Variants in TRPM3 observed in about 807,000 individuals in gnomAD.
The protein encoded by TRPM3 is transient receptor potential cation channel subfamily M member 3, also known as long transient receptor potential channel 3.
TRPM3 carries 77 observed loss-of-function variants against 181.2 expected under a neutral mutation model. That is an observed-to-expected ratio of 0.42 (90% CI 0.35 to 0.51). TRPM3 has a LOEUF of 0.51. Ranked by LOEUF, TRPM3 falls within the 20% of genes least tolerant of loss-of-function variation. TRPM3 has a pLI of 0.01. For missense variants in TRPM3, 1,759 were observed against 2,196.7 expected (o/e 0.80, Z 3.98); for synonymous variants, 745 against 796.4 (o/e 0.94, Z 1.09).
intron 1 of TRPM3, among the ~76,000 whole-genome samples, chr9:71,356,490 G>C (rs1388563489): frequency 6.6e-6 from 1 of 152,142 alleles, no homozygotes; most frequent in Non-Finnish European, 1.5e-5. Flanking sequence ...TAGTTAGGAG[G>C]ATGGGCCTGA....
intron 6 of TRPM3, among the ~76,000 whole-genome samples, chr9:70,787,916 C>A (rs1387297050): frequency 2.7e-5 from 4 of 150,902 alleles, no homozygotes; most frequent in Admixed American, 1.3e-4. Context: ...ACTCATGTAA[C>A]CTCCACCCAT....
intron 1 of TRPM3, among the ~76,000 whole-genome samples, chr9:71,355,779 G>A (rs746416365): frequency 7.2e-5 from 11 of 151,884 alleles, no homozygotes; most frequent in East Asian, 1.9e-4. Context: ...AGGGCAAAAC[G>A]TTTGTTCTTC....
At chr9:71,119,285 A>G (rs1587444980) in intron 1 of TRPM3, among the ~76,000 whole-genome samples, 1 of 152,224 alleles carries the variant, frequency 6.6e-6, no homozygotes, top group African/African-American at 2.4e-5. Context: ...TGGGAAGGAC[A>G]CACAGTAATG....
intron 1 of TRPM3, among the ~76,000 whole-genome samples, chr9:70,879,875 T>C (rs576400767): frequency 1.3e-5 from 2 of 152,168 alleles, no homozygotes; most frequent in African/African-American, 4.8e-5. Context: ...GAATCACATG[T>C]GCAATTCATG....
chr9:71,412,596 C>T (rs1415795257), intron 1 of TRPM3, among the ~76,000 whole-genome samples: 2 of 152,092 alleles, frequency 1.3e-5, no homozygotes, highest in Non-Finnish European at 2.9e-5. Context: ...AGTCAGGAAA[C>T]AACAGGTGCT....
chr9:71,372,377 T>C (rs2092544037), intron 1 of TRPM3, among the ~76,000 whole-genome samples: 1 of 152,164 alleles, frequency 6.6e-6, no homozygotes, highest in African/African-American at 2.4e-5. Flanking sequence ...CAAATGGTAT[T>C]TCTACCTCCA....
At chr9:71,276,025 T>C (rs1418899548) in intron 1 of TRPM3, among the ~76,000 whole-genome samples, 1 of 151,986 alleles carries the variant, frequency 6.6e-6, no homozygotes, top group Non-Finnish European at 1.5e-5. Context: ...CTATTTTTAG[T>C]AAAGACAGTG....
intron 1 of TRPM3, chr9:70,917,488 C>A: frequency 1.4e-6 from 1 of 735,182 alleles, no homozygotes; most frequent in East Asian, 2.6e-5. Context: ...CCACCAGCAC[C>A]AGGGCCAAGG....
At chr9:70,904,819 T>C (rs1230657128) in intron 1 of TRPM3, among the ~76,000 whole-genome samples, 1 of 152,208 alleles carries the variant, frequency 6.6e-6, no homozygotes, top group Non-Finnish European at 1.5e-5. Flanking sequence ...AGAGTCTTCA[T>C]TGAACAATGG....
intron 22 of TRPM3, among the ~76,000 whole-genome samples, chr9:70,580,210 A>T (rs192092490): frequency 7.9e-4 from 120 of 152,254 alleles, no homozygotes; most frequent in African/African-American, 2.6e-3. Context: ...TCTAGCCATG[A>T]TCTCCCCACT....
At chr9:71,222,638 A>G (rs929944306) in intron 1 of TRPM3, among the ~76,000 whole-genome samples, 3 of 152,232 alleles carry the variant, frequency 2.0e-5, no homozygotes, top group African/African-American at 7.2e-5. Context: ...TTAACTTCAT[A>G]TCACTGAAAG....
At chr9:71,082,187 T>C (rs770499669) in intron 1 of TRPM3, among the ~76,000 whole-genome samples, 1 of 152,210 alleles carries the variant, frequency 6.6e-6, no homozygotes, top group Non-Finnish European at 1.5e-5. Context: ...TGTAGGAATA[T>C]ATCAGATGTA....
chr9:70,811,343 G>T lies in TRPM3; in HGVS notation c.973+16504C>A. Reference sequence around the variant, plus strand: ...ACCCAATTTACATAAATTTATATACGTGATGGCAACTCAAGTTGCACAGTG... The same window carrying T: ...ACCCAATTTACATAAATTTATATACTTGATGGCAACTCAAGTTGCACAGTG... On this transcript the variant is annotated intron_variant, in intron 6 of 25. Coordinates refer to ENST00000677713, the MANE Select transcript of TRPM3 (RefSeq NM_001366145.2). The T allele has an allele frequency of 1.5e-5, 15 of 1,021,248 alleles. No homozygotes were observed. The South Asian group carries it at 2.1e-4, about 14-fold the overall frequency. 63.3% of individuals were successfully genotyped at this position (1,021,248 alleles called of 1,614,324 possible). A position where few individuals can be genotyped will look rare whatever the true frequency, so the allele number is the denominator to read the frequency against.
intron 1 of TRPM3, among the ~76,000 whole-genome samples, chr9:71,311,595 C>T (rs894461641): frequency 2.6e-4 from 40 of 151,884 alleles, no homozygotes; most frequent in African/African-American, 8.5e-4. Flanking sequence ...GACTTTTAAT[C>T]TTACAAAACA....
intron 1 of TRPM3, among the ~76,000 whole-genome samples, chr9:71,257,991 CAGTA>C (rs577488739): frequency 2.0e-5 from 3 of 152,254 alleles, no homozygotes; most frequent in South Asian, 4.1e-4. Context: ...TGTACTCATT[CAGTA>C]AGTATTTATG....
chr9:70,551,617 G>T (rs1257165209), intron 24 of TRPM3, among the ~76,000 whole-genome samples: 2 of 152,194 alleles, frequency 1.3e-5, no homozygotes, highest in Admixed American at 6.5e-5. Context: ...CTCTGGATAA[G>T]TGAGGTTCCT....
intron 1 of TRPM3, among the ~76,000 whole-genome samples, chr9:70,876,286 CACATATATAGACATAT>C (rs2095868114): frequency 6.8e-6 from 1 of 148,010 alleles, no homozygotes; most frequent in South Asian, 2.1e-4. Context: ...CATACACACA[CACATATATAGACATAT>C]ACATATATAG....
At position 70,660,006 on chromosome 9, in the gene TRPM3, T is replaced by C. The variant is rs570392184; in HGVS notation, c.1346-19346A>G. 7.2e-5 allele frequency among the ~76,000 whole-genome samples: 11 copies of C among 152,168 alleles called. No individual in the cohort carries two copies. The East Asian group carries it at 1.2e-3, about 16-fold the overall frequency. On this transcript the variant is annotated intron_variant, in intron 9 of 25. Coordinates refer to ENST00000677713, the MANE Select transcript of TRPM3 (RefSeq NM_001366145.2). ...CCCTTCTCCCCCTATTTTCTCTTCA[T>C]AGGACATGAGACTTAACAACCTGCT...
chr9:71,132,035 C>A (rs1398398112), intron 1 of TRPM3, among the ~76,000 whole-genome samples: 1 of 152,146 alleles, frequency 6.6e-6, no homozygotes, highest in African/African-American at 2.4e-5. Context: ...TTGAAGGAGA[C>A]AGGAACACTG....
Sources: allele counts gnomAD v4.1 joint callset (sites outside exome capture counted in the v4.1 genomes callset), GRCh38; gene constraint gnomAD v4.1.1; transcripts MANE v1.5; gene names NCBI Gene and HGNC (gene_info 2026-07-23, HGNC 2026-07-21).